Variants in TNRC6B observed in about 807,000 individuals in gnomAD.
The protein encoded by TNRC6B is trinucleotide repeat-containing gene 6B protein.
In TNRC6B, 52 loss-of-function variants were observed where a neutral mutation model predicts 203.6. The ratio of observed to expected loss-of-function variants is 0.26; its 90% CI spans 0.20 to 0.32. The LOEUF is 0.32. Ranked by LOEUF, TNRC6B falls within the 10% of genes least tolerant of loss-of-function variation. The pLI is 1.00. For synonymous variants in TNRC6B, 838 were observed against 845.7 expected, an observed-to-expected ratio of 0.99 and a Z score of 0.16; for missense variants, 1,923 against 2,286.2, an observed-to-expected ratio of 0.84 and a Z score of 3.24.
At chr22:40,052,463 T>C (rs1439664238) in intron 1 of TNRC6B, among the ~76,000 whole-genome samples, 2 of 140,148 alleles carry the variant, frequency 1.4e-5, no homozygotes, top group East Asian at 4.0e-4. Flanking sequence ...TTTTTTTTTT[T>C]TTTTTTTTGT....
intron 3 of TNRC6B, among the ~76,000 whole-genome samples, chr22:40,260,988 C>G (rs1676270312): frequency 6.6e-6 from 1 of 152,130 alleles, no homozygotes; most frequent in Admixed American, 6.5e-5. Context: ...TACAAATAAT[C>G]TTAGCCAGGG....
chr22:40,292,015 A>C (rs2070874997), intron 12 of TNRC6B, among the ~76,000 whole-genome samples: 1 of 152,246 alleles, frequency 6.6e-6, no homozygotes, highest in South Asian at 2.1e-4. Flanking sequence ...CAACATGCTG[A>C]AACCCCATTT....
intron 11 of TNRC6B, 79 bp from the exon 12 acceptor site, chr22:40,285,566 A>T (rs1391706828): frequency 6.6e-7 from 1 of 1,508,616 alleles, no homozygotes; most frequent in East Asian, 2.3e-5. Context: ...CTTCTGAGGG[A>T]TCTAAAAGAC....
intron 1 of TNRC6B, among the ~76,000 whole-genome samples, chr22:40,185,769 T>C (rs1386418050): frequency 2.0e-5 from 3 of 152,076 alleles, no homozygotes. Flanking sequence ...AGAGGAGGAC[T>C]TGGTGGGGGG....
At chr22:40,318,892 G>A (rs976959340) in intron 21 of TNRC6B, among the ~76,000 whole-genome samples, 3 of 151,982 alleles carry the variant, frequency 2.0e-5, no homozygotes, top group Non-Finnish European at 2.9e-5. Flanking sequence ...CCAACATGGC[G>A]AAACCCCATC....
intron 1 of TNRC6B, among the ~76,000 whole-genome samples, chr22:40,236,811 C>T (rs978215117): frequency 2.0e-5 from 3 of 152,102 alleles, no homozygotes; most frequent in Non-Finnish European, 2.9e-5. Flanking sequence ...GTTTGAGGCA[C>T]GATGGGCTCA....
chr22:40,301,585 T>TTGTG (rs369108652), intron 15 of TNRC6B: 7 of 491,688 alleles, frequency 1.4e-5, no homozygotes, highest in South Asian at 2.8e-5. Context: ...TTCCTTTTTT[T>TTGTG]TGTGTGTGTG....
chr22:40,265,541 C>G lies in TNRC6B; in HGVS notation c.1311C>G (p.Val437=), dbSNP rs376017741. The G allele has an allele frequency of 8.1e-6, 13 of 1,613,738 alleles. 1 individual carries two copies. The highest frequency in any genetic ancestry group is 1.1e-5 in the Non-Finnish European group (13 of 1,179,874). ...GGGGGCCTTCTGGAACTGACACAGT[C>G]TCTGGACAAAGCAATTCTGGAAACA... ...AARGPSGTDT[V]SGQSNSGNNG... The change falls in exon 5 of 23, where the codon GTC becomes GTG. Residue 437 remains valine, a synonymous_variant. Transcript: ENST00000454349.
intron 2 of TNRC6B, among the ~76,000 whole-genome samples, chr22:40,119,884 G>A (rs1395389471): frequency 2.6e-5 from 4 of 151,732 alleles, no homozygotes; most frequent in African/African-American, 9.7e-5. Flanking sequence ...CATAAGCCAT[G>A]CCTTCAAACA....
intron 12 of TNRC6B, 92 bp downstream of exon 12, chr22:40,285,862 G>C: frequency 2.0e-6 from 3 of 1,465,206 alleles, no homozygotes; most frequent in Non-Finnish European, 2.8e-6. Context: ...TAAAAAGAAT[G>C]ATAGTAAGTA....
chr22:40,283,290 G>A (rs1287377066), intron 11 of TNRC6B, among the ~76,000 whole-genome samples: 10 of 152,136 alleles, frequency 6.6e-5, no homozygotes, highest in South Asian at 2.1e-4. Context: ...CGCCCGCCTT[G>A]GCCTCCCAAA....
At chr22:40,096,386 A>G (rs2068186192) in intron 1 of TNRC6B, among the ~76,000 whole-genome samples, 1 of 152,250 alleles carries the variant, frequency 6.6e-6, no homozygotes, top group Non-Finnish European at 1.5e-5. Flanking sequence ...TTTTAGAAGC[A>G]TCTACATTTC....
At chr22:40,283,612 G>A (rs949839358) in intron 11 of TNRC6B, among the ~76,000 whole-genome samples, 3 of 152,120 alleles carry the variant, frequency 2.0e-5, no homozygotes, top group Non-Finnish European at 2.9e-5. Context: ...TTAAGTTACA[G>A]ACGAGGCATT....
intron 1 of TNRC6B, among the ~76,000 whole-genome samples, chr22:40,208,063 G>A (rs1049986432): frequency 4.1e-5 from 6 of 147,676 alleles, no homozygotes; most frequent in Non-Finnish European, 7.4e-5. Context: ...GCAGTGAGCT[G>A]AGATGCGCCC....
intron 1 of TNRC6B, among the ~76,000 whole-genome samples, chr22:40,071,836 A>G (rs1194991258): frequency 1.3e-5 from 2 of 152,146 alleles, no homozygotes; most frequent in African/African-American, 2.4e-5. Context: ...TTCAGATTGC[A>G]TGGTTTTGAA....
chr22:40,296,702 G>C (rs1443407829), intron 12 of TNRC6B, among the ~76,000 whole-genome samples: 1 of 149,914 alleles, frequency 6.7e-6, no homozygotes, highest in Non-Finnish European at 1.5e-5. Flanking sequence ...ATCTTTGCTT[G>C]CTGCAACCTC....
At chr22:40,081,384 A>G (rs1959444891) in intron 1 of TNRC6B, among the ~76,000 whole-genome samples, 1 of 142,560 alleles carries the variant, frequency 7.0e-6, no homozygotes, top group African/African-American at 2.6e-5. Flanking sequence ...AAACTTTCAG[A>G]CTGCTGAGAG....
intron 4 of TNRC6B, among the ~76,000 whole-genome samples, chr22:40,166,357 A>T (rs2146362926): frequency 6.6e-6 from 1 of 152,238 alleles, no homozygotes; most frequent in East Asian, 1.9e-4. Context: ...AAACAATGTA[A>T]TATTTGTATT....
intron 15 of TNRC6B, among the ~76,000 whole-genome samples, chr22:40,305,540 A>C (rs2071077903): frequency 6.6e-6 from 1 of 152,234 alleles, no homozygotes; most frequent in Non-Finnish European, 1.5e-5. Context: ...TCCTTCCATC[A>C]AAATGCATCA....
Sources: gnomAD v4.1 joint callset for allele counts (sites outside exome capture counted in the v4.1 genomes callset) on GRCh38, gnomAD v4.1.1 for gene constraint, MANE v1.5 for transcripts, NCBI Gene and HGNC (gene_info 2026-07-23, HGNC 2026-07-21) for gene names.